NPC1: variants seen among roughly 807,000 people sequenced by gnomAD.
NPC1 encodes NPC intracellular cholesterol transporter 1, also known as Niemann-Pick C1 protein.
NPC1 carries 85 observed loss-of-function variants against 140.4 expected under a neutral mutation model. The ratio of observed to expected loss-of-function variants is 0.61; its 90% CI spans 0.51 to 0.72. NPC1 has a LOEUF of 0.72. Ranked by LOEUF, NPC1 falls within the 30% of genes least tolerant of loss-of-function variation. NPC1 has a pLI of 0.00. For synonymous variants in NPC1, 656 were observed against 624.8 expected (o/e 1.05, Z -0.74); for missense variants, 1,504 against 1,623.8 (o/e 0.93, Z 1.27).
At chr18:23,524,474 C>T (rs911401933), downstream of NPC1, 1 of 1,614,076 alleles carries the variant, frequency 6.2e-7, no homozygotes, top group Non-Finnish European at 8.5e-7. Context: ...ATTATCAGCG[C>T]AAGCCAAGGT....
chr18:23,531,679 C>CT lies in NPC1; in HGVS notation c.*522dup, dbSNP rs1567939464. The CT allele has an allele frequency of 6.2e-7, 1 of 1,613,356 alleles. No individual in the cohort carries two copies. Among genetic ancestry groups the CT allele is most frequent in the Admixed American group, 1.7e-5 (1 of 59,906 alleles). On this transcript the variant is annotated 3_prime_UTR_variant, in exon 25 of 25. Transcript: ENST00000269228. ...TTCAAACAGATTTTTGGAGACCAAG[C>CT]TCTAATGAGGCCTACAACATTCTGA...
rs776667273 is a variant in NPC1, at chr18:23,538,699, TAGA to T, written c.2912-31_2912-29del. Reference sequence around the variant, plus strand: ...GGCGGAGACATGCAGGGAGGACTGTTAGAAGAATAGGTCTCCAGATTTTTTGTA... The same window carrying T: ...GGCGGAGACATGCAGGGAGGACTGTTAGAATAGGTCTCCAGATTTTTTGTA... On this transcript the variant is annotated intron_variant, in intron 19 of 24. Coordinates refer to ENST00000269228, the MANE Select transcript of NPC1 (RefSeq NM_000271.5). 7.4e-6 allele frequency: 12 copies of T among 1,613,124 alleles called. No homozygotes were observed. The East Asian group carries it at 1.1e-4, about 15-fold the overall frequency.
intron 14 of NPC1, among the ~76,000 whole-genome samples, chr18:23,541,820 G>A (rs914475107): frequency 6.6e-6 from 1 of 152,140 alleles, no homozygotes; most frequent in Non-Finnish European, 1.5e-5. Flanking sequence ...AACACTACTA[G>A]CCTCCCAGTT....
intron 4 of NPC1, among the ~76,000 whole-genome samples, chr18:23,563,915 G>A (rs1490049375): frequency 6.6e-6 from 1 of 150,988 alleles, no homozygotes; most frequent in Non-Finnish European, 1.5e-5. Flanking sequence ...ATCTTCCTTA[G>A]AGAAATGTCT....
chr18:23,550,766 G>A (rs901256657), intron 10 of NPC1, among the ~76,000 whole-genome samples: 4 of 152,082 alleles, frequency 2.6e-5, no homozygotes, highest in East Asian at 3.9e-4. Context: ...GATTACAGGC[G>A]TGAGCCACCA....
At chr18:23,541,281 G>C (rs370996413) in intron 15 of NPC1, 25 bp downstream of exon 15, 5 of 1,614,190 alleles carry the variant, frequency 3.1e-6, no homozygotes, top group Non-Finnish European at 4.2e-6. Context: ...AAATTAAATA[G>C]ACTATAATCC....
intron 3 of NPC1, 92 bp downstream of exon 3, chr18:23,571,982 A>AT (rs2145543939): frequency 1.5e-6 from 1 of 664,622 alleles, no homozygotes; most frequent in Non-Finnish European, 2.6e-6. Flanking sequence ...TAATAAATAA[A>AT]AATATGTAAA....
At chr18:23,541,007 G>C in intron 16 of NPC1, 61 bp downstream of exon 16, 4 of 1,579,780 alleles carry the variant, frequency 2.5e-6, no homozygotes, top group Non-Finnish European at 3.5e-6. Context: ...TGGCTTCTTA[G>C]AAGGCATGTG....
At chr18:23,577,260 G>A (rs1371301721) in intron 1 of NPC1, among the ~76,000 whole-genome samples, 1 of 150,970 alleles carries the variant, frequency 6.6e-6, no homozygotes, top group Non-Finnish European at 1.5e-5. Flanking sequence ...GTGCCGATTG[G>A]TGTATTTACA....
downstream of NPC1, among the ~76,000 whole-genome samples, chr18:23,521,923 G>C (rs2058152538): frequency 1.3e-5 from 2 of 152,152 alleles, no homozygotes; most frequent in African/African-American, 4.8e-5. Flanking sequence ...TGCAGAATTG[G>C]CTAGTCTGAG....
At chr18:23,575,764 A>C (rs1001837378) in intron 1 of NPC1, among the ~76,000 whole-genome samples, 4 of 139,170 alleles carry the variant, frequency 2.9e-5, no homozygotes, top group African/African-American at 1.2e-4. Context: ...CACAGCAGAG[A>C]AGACCAAAAA....
intron 4 of NPC1, among the ~76,000 whole-genome samples, chr18:23,564,640 T>C (rs1340143337): frequency 2.0e-5 from 3 of 152,228 alleles, no homozygotes; most frequent in African/African-American, 7.2e-5. Context: ...CTTTTCTTGA[T>C]GGCGTCCTCT....
chr18:23,568,247 T>C (rs929701625), intron 4 of NPC1, among the ~76,000 whole-genome samples: 1 of 152,062 alleles, frequency 6.6e-6, no homozygotes, highest in East Asian at 1.9e-4. Flanking sequence ...CAGGTTGCCT[T>C]GTATGTCACA....
chr18:23,530,633 C>T, downstream of NPC1: 1 of 1,606,336 alleles, frequency 6.2e-7, no homozygotes, highest in South Asian at 1.1e-5. Flanking sequence ...AATGAAAAGA[C>T]TTGGGGTAAC....
At chr18:23,549,790 G>A (rs1389036591) in intron 10 of NPC1, among the ~76,000 whole-genome samples, 2 of 146,114 alleles carry the variant, frequency 1.4e-5, no homozygotes, top group African/African-American at 5.2e-5. Context: ...CGCCCAGGCT[G>A]GAGTGCAATG....
chr18:23,525,493 C>T (rs1384748862), downstream of NPC1, among the ~76,000 whole-genome samples: 3 of 151,672 alleles, frequency 2.0e-5, no homozygotes, highest in Admixed American at 6.6e-5. Flanking sequence ...GGTGCCATCT[C>T]GGCTCACTGC....
In NPC1 at chr18:23,543,525, G is replaced by T. The variant is rs2058741488; in HGVS notation, c.2175C>A (p.Gly725=). ...TGGGAGCCACTTCTCCTAGGACCCT[G>T]CCCAGCTGCTGATCCAGGGTTTCCC... ...LQGETLDQQL[G]RVLGEVAPSM... is the part of the protein sequence containing the mutation. Residue 725 remains glycine, a synonymous_variant, in exon 14 of 25, where the codon GGC becomes GGA. Transcript: ENST00000269228. 2 of 1,610,460 alleles carry T rather than the reference G, an allele frequency of 1.2e-6. No homozygotes were observed. Among genetic ancestry groups the T allele is most frequent in the Middle Eastern group, 1.7e-4 (1 of 6,058 alleles).
downstream of NPC1, among the ~76,000 whole-genome samples, chr18:23,530,991 T>C (rs1268328637): frequency 6.6e-6 from 1 of 152,084 alleles, no homozygotes; most frequent in East Asian, 1.9e-4. Flanking sequence ...ATACATTGGT[T>C]GATCATTCTC....
downstream of NPC1, chr18:23,527,927 G>A (rs370745743): frequency 5.2e-6 from 8 of 1,541,334 alleles, no homozygotes; most frequent in African/African-American, 5.5e-5. Context: ...TATGACAAAG[G>A]GTCCTCCTCC....
Sources: gnomAD v4.1 joint callset for allele counts (sites outside exome capture counted in the v4.1 genomes callset) on GRCh38, gnomAD v4.1.1 for gene constraint, MANE v1.5 for transcripts, NCBI Gene and HGNC (gene_info 2026-07-23, HGNC 2026-07-21) for gene names.